The following CACNB2 variants were observed in gnomAD, a reference collection of about 807,000 sequenced individuals.
CACNB2 encodes calcium voltage-gated channel auxiliary subunit beta 2.
Under a neutral mutation model 73.3 loss-of-function variants are expected in CACNB2, and 42 were observed. The ratio of observed to expected loss-of-function variants is 0.57; its 90% CI spans 0.45 to 0.74. CACNB2 has a LOEUF of 0.74. CACNB2 is among the 30% of genes least tolerant of loss of function. The probability of loss-of-function intolerance (pLI) is 0.00; values close to 1 mark genes in which losing one functional copy is unlikely to be tolerated. For missense variants in CACNB2, 940 were observed against 853.0 expected (o/e 1.10, Z -1.27); for synonymous variants, 348 against 310.3 (o/e 1.12, Z -1.28).
At chr10:18,493,022 A>G (rs1181106966) in intron 3 of CACNB2, among the ~76,000 whole-genome samples, 2 of 152,228 alleles carry the variant, frequency 1.3e-5, no homozygotes, top group Non-Finnish European at 2.9e-5. Context: ...AAAATGTTAA[A>G]AAAAAATTAC....
At chr10:18,366,139 C>G (rs989796247) in intron 2 of CACNB2, among the ~76,000 whole-genome samples, 1 of 152,174 alleles carries the variant, frequency 6.6e-6, no homozygotes, top group East Asian at 1.9e-4. Flanking sequence ...CTTTCCACAT[C>G]TAGGTCTGGG....
chr10:18,161,793 G>A lies in CACNB2; in HGVS notation c.213+10818G>A, dbSNP rs188772684. Among the ~76,000 whole-genome samples the A allele has an allele frequency of 2.6e-5, 4 of 152,142 alleles. No homozygotes were observed. In the East Asian group the frequency reaches 7.7e-4, roughly 29 times the overall value. On this transcript the variant is annotated intron_variant, in intron 2 of 13. Transcript: ENST00000324631. Reference sequence around the variant, plus strand: ...ATTTTTTAAAAATTAGCCGGGCATGGTGGTGGGCACCTGTAATCCCAGCTA... The same window carrying A: ...ATTTTTTAAAAATTAGCCGGGCATGATGGTGGGCACCTGTAATCCCAGCTA...
intron 2 of CACNB2, among the ~76,000 whole-genome samples, chr10:18,240,827 C>G (rs897459216): frequency 1.3e-5 from 2 of 152,246 alleles, no homozygotes; most frequent in South Asian, 4.1e-4. Flanking sequence ...AAAGCCAACA[C>G]CCCCTCTGCC....
At chr10:18,356,496 C>A (rs2132174307) in intron 2 of CACNB2, among the ~76,000 whole-genome samples, 1 of 152,302 alleles carries the variant, frequency 6.6e-6, no homozygotes, top group African/African-American at 2.4e-5. Context: ...CTCTGTGGTT[C>A]TGCAGAAAAG....
intron 2 of CACNB2, among the ~76,000 whole-genome samples, chr10:18,191,346 C>G (rs1043234385): frequency 4.6e-5 from 7 of 152,334 alleles, no homozygotes; most frequent in Non-Finnish European, 7.3e-5. Flanking sequence ...AGCTGCCCCC[C>G]GTGTATTGCT....
intron 2 of CACNB2, among the ~76,000 whole-genome samples, chr10:18,313,013 A>T (rs1476581721): frequency 6.6e-6 from 1 of 152,166 alleles, no homozygotes. Flanking sequence ...GTTGTAATAA[A>T]TTTGAACAGG....
chr10:18,213,868 G>GA (rs1478545038), intron 2 of CACNB2, among the ~76,000 whole-genome samples: 8 of 152,178 alleles, frequency 5.3e-5, no homozygotes, highest in Non-Finnish European at 1.2e-4. Context: ...TTTTTAATGA[G>GA]ATAATGCATG....
chr10:18,514,922 T>TAA, intron 7 of CACNB2: 13 of 1,017,816 alleles, frequency 1.3e-5, no homozygotes, highest in East Asian at 2.8e-5. Context: ...TAGCTTGTAC[T>TAA]AAAAAAAAAA....
chr10:18,480,869 T>A (rs2048688347), intron 3 of CACNB2, among the ~76,000 whole-genome samples: 1 of 152,154 alleles, frequency 6.6e-6, no homozygotes, highest in Middle Eastern at 3.2e-3. Context: ...GAGACTTACA[T>A]AAACATCTTT....
intron 3 of CACNB2, among the ~76,000 whole-genome samples, chr10:18,404,572 C>A (rs2044180347): frequency 6.6e-6 from 1 of 152,180 alleles, no homozygotes; most frequent in Non-Finnish European, 1.5e-5. Flanking sequence ...ACCATCGAAG[C>A]ATCTCTCAAA....
intron 2 of CACNB2, among the ~76,000 whole-genome samples, chr10:18,369,229 A>C (rs1048344054): frequency 6.6e-6 from 1 of 152,218 alleles, no homozygotes. Flanking sequence ...CAATTAAGCT[A>C]TCAAATTTAA....
At chr10:18,534,759 C>A (rs796781534) in intron 11 of CACNB2, among the ~76,000 whole-genome samples, 1 of 152,216 alleles carries the variant, frequency 6.6e-6, no homozygotes, top group African/African-American at 2.4e-5. Flanking sequence ...CACAAAGCTC[C>A]TGCTGTATAC....
chr10:18,210,071 A>T (rs1321394334), intron 2 of CACNB2, among the ~76,000 whole-genome samples: 1 of 152,196 alleles, frequency 6.6e-6, no homozygotes, highest in Non-Finnish European at 1.5e-5. Flanking sequence ...TTACAGGAGG[A>T]GGGAATGTCA....
intron 8 of CACNB2, among the ~76,000 whole-genome samples, 197 bp downstream of exon 8, chr10:18,518,613 G>A (rs2051513268): frequency 6.6e-6 from 1 of 152,194 alleles, no homozygotes; most frequent in African/African-American, 2.4e-5. Context: ...TTGTTTACCT[G>A]GCTGTTGCTT....
chr10:18,381,476 G>A (rs181320314), intron 2 of CACNB2, among the ~76,000 whole-genome samples: 4 of 151,408 alleles, frequency 2.6e-5, no homozygotes, highest in Non-Finnish European at 5.9e-5. Flanking sequence ...GGATCCGGAG[G>A]TCAGGAGTCA....
intron 2 of CACNB2, among the ~76,000 whole-genome samples, chr10:18,335,037 T>C (rs545109212): frequency 6.6e-6 from 1 of 152,072 alleles, no homozygotes; most frequent in Admixed American, 6.6e-5. Flanking sequence ...GCTATTTTAA[T>C]ATATTTATCC....
intron 2 of CACNB2, among the ~76,000 whole-genome samples, chr10:18,358,915 A>T (rs1564466452): frequency 6.6e-6 from 1 of 152,192 alleles, no homozygotes; most frequent in Non-Finnish European, 1.5e-5. Context: ...TTCTTTTCAT[A>T]AATATGGCCA....
intron 3 of CACNB2, among the ~76,000 whole-genome samples, chr10:18,470,061 T>A (rs989115074): frequency 6.6e-6 from 1 of 152,008 alleles, no homozygotes; most frequent in African/African-American, 2.4e-5. Context: ...TTAATGAACA[T>A]TTAAAATAAA....
At chr10:18,441,554 T>A (rs1015741803) in intron 3 of CACNB2, among the ~76,000 whole-genome samples, 4 of 152,198 alleles carry the variant, frequency 2.6e-5, no homozygotes, top group Non-Finnish European at 4.4e-5. Flanking sequence ...TTTTGCTGGC[T>A]TTACTGAGGT....
Sources: gnomAD v4.1 joint callset for allele counts (sites outside exome capture counted in the v4.1 genomes callset) on GRCh38, gnomAD v4.1.1 for gene constraint, MANE v1.5 for transcripts, NCBI Gene and HGNC (gene_info 2026-07-23, HGNC 2026-07-21) for gene names.